The following DIP2C variants were observed in gnomAD, a reference collection of about 807,000 sequenced individuals.
DIP2C encodes the protein disco-interacting protein 2 homolog C.
In DIP2C, 33 loss-of-function variants were observed where a neutral mutation model predicts 192.4. The observed-to-expected ratio is 0.17, with a 90% CI of 0.13 to 0.23. The LOEUF (loss-of-function observed/expected upper bound fraction) is 0.23. Among genes scored for constraint, DIP2C ranks in the 10% least tolerant of loss-of-function variants. The pLI is 1.00. For missense variants in DIP2C, 1,537 were observed against 2,110.1 expected, an observed-to-expected ratio of 0.73 and a Z score of 5.32; for synonymous variants, 979 against 864.1, an observed-to-expected ratio of 1.13 and a Z score of -2.33.
chr10:683,542 C>T (rs139099117), intron 1 of DIP2C, among the ~76,000 whole-genome samples: 173 of 152,308 alleles, frequency 1.1e-3, no homozygotes, highest in African/African-American at 4.1e-3. Context: ...CAGAAACCGA[C>T]CACGTCACCA....
intron 1 of DIP2C, among the ~76,000 whole-genome samples, chr10:572,691 CAAAAA>C (rs77078972): frequency 6.6e-6 from 1 of 151,896 alleles, no homozygotes; most frequent in African/African-American, 2.4e-5. Context: ...CCATAATAGA[CAAAAA>C]AAAGTTTTTT....
intron 3 of DIP2C, among the ~76,000 whole-genome samples, chr10:461,223 G>A (rs1428489676): frequency 2.6e-5 from 4 of 152,164 alleles, no homozygotes; most frequent in African/African-American, 9.7e-5. Flanking sequence ...ATGTAAATGG[G>A]CTAAATGCCC....
chr10:579,261 A>G (rs542704797), intron 1 of DIP2C, among the ~76,000 whole-genome samples: 5 of 152,034 alleles, frequency 3.3e-5, no homozygotes, highest in East Asian at 3.9e-4. Context: ...ACATGTGTAC[A>G]TGCATACAGC....
chr10:339,598 C>T (rs561138534), intron 29 of DIP2C, among the ~76,000 whole-genome samples: 99 of 152,236 alleles, frequency 6.5e-4, no homozygotes, highest in African/African-American at 1.9e-3. Flanking sequence ...AAATGAAATA[C>T]GGTCACCCTA....
Position 419,175 on chromosome 10 carries a change from A to C in DIP2C, c.629T>G (p.Val210Gly). The C allele has an allele frequency of 6.2e-7, 1 of 1,614,234 alleles. No homozygotes were observed. Among genetic ancestry groups the C allele is most frequent in the Non-Finnish European group, 8.5e-7 (1 of 1,180,050 alleles). ...HIENHSAPPD[V>G]TTYTSEHSIQ... ...CGAGTGCTCTGAGGTGTACGTGGTT[A>C]CGTCAGGAGGTGCAGAATGATTTTC... is the stretch of plus-strand genomic sequence containing the variant. Residue 210 changes from valine (V) to glycine (G), a missense_variant, in exon 6 of 37, where the codon GTA becomes GGA. This residue lies in a region of DIP2C where 473 missense variants were observed against 539.6 expected (regional missense o/e 0.88). Transcript: ENST00000280886.
Position 612,334 on chromosome 10 carries a change from G to A in DIP2C, c.85+77160C>T, listed in dbSNP as rs148279282. Among the ~76,000 whole-genome samples the A allele has an allele frequency of 1.8e-4, 27 of 151,960 alleles. No individual in the cohort carries two copies. The East Asian group carries it at 3.9e-3, about 22-fold the overall frequency. On this transcript the variant is annotated intron_variant, in intron 1 of 36. Coordinates refer to ENST00000280886, the MANE Select transcript of DIP2C (RefSeq NM_014974.3). ...CAATACACCCACTTAATTCTTCACC[G>A]ATGTCAAATATATCAGCTAAAAGAA...
At chr10:387,959 C>A in intron 13 of DIP2C, 150 bp from the exon 14 acceptor site, 1 of 894,274 alleles carries the variant, frequency 1.1e-6, no homozygotes, top group Non-Finnish European at 1.8e-6. Context: ...CTGTAGACTC[C>A]AAGTAGGCCG....
chr10:369,966 C>T (rs996559459), intron 17 of DIP2C: 2 of 985,406 alleles, frequency 2.0e-6, no homozygotes, highest in South Asian at 4.7e-5. Context: ...CAGACCAGCT[C>T]TCTCTTTCCT....
chr10:274,775 A>G lies in DIP2C; in HGVS notation c.*2550T>C, dbSNP rs559022989. 2.0e-5 allele frequency: 3 copies of G among 152,344 alleles called. No individual in the cohort carries two copies. The highest frequency in any genetic ancestry group is 3.4e-3 in the Middle Eastern group (1 of 294). The allele number at this position is 152,344 out of a possible 1,614,324, so 9.4% of individuals were successfully genotyped here. The stretch of plus-strand genomic sequence containing the variant: ...CTCCTGTTTGATTAGGTCTGTGTTT[A>G]TATGTTCACTGTGTACCCTCTTTTT... On this transcript the variant is annotated 3_prime_UTR_variant, in exon 37 of 37. Coordinates refer to ENST00000280886, the MANE Select transcript of DIP2C (RefSeq NM_014974.3).
intron 13 of DIP2C, among the ~76,000 whole-genome samples, chr10:388,176 C>T (rs1311359509): frequency 2.6e-5 from 4 of 152,130 alleles, no homozygotes; most frequent in East Asian, 3.8e-4. Flanking sequence ...ATGCCCTCTG[C>T]GCACAGAGGA....
intron 5 of DIP2C, 87 bp from the exon 6 acceptor site, chr10:419,286 AGCACAGGTGCTCACCCTGGGTGT>A (rs1966013787): frequency 6.3e-7 from 1 of 1,582,094 alleles, no homozygotes; most frequent in South Asian, 1.1e-5. Flanking sequence ...AAGAGACTGA[AGCACAGGTGCTCACCCTGGGTGT>A]GCCATGGAAA....
At chr10:281,863 T>C (rs1448218568) in intron 35 of DIP2C, among the ~76,000 whole-genome samples, 2 of 152,212 alleles carry the variant, frequency 1.3e-5, no homozygotes, top group East Asian at 1.9e-4. Flanking sequence ...AGCCAGGAAA[T>C]TTATTTCTAT....
intron 26 of DIP2C, 139 bp downstream of exon 26, chr10:348,502 C>T: frequency 1.5e-6 from 2 of 1,366,582 alleles, no homozygotes; most frequent in Non-Finnish European, 2.0e-6. Context: ...GGTAGAGACC[C>T]TGTCCTGACC....
At chr10:457,218 C>T (rs891074679) in intron 3 of DIP2C, among the ~76,000 whole-genome samples, 1 of 152,258 alleles carries the variant, frequency 6.6e-6, no homozygotes, top group African/African-American at 2.4e-5. Context: ...TATGCATCTC[C>T]TATTTTATTT....
At chr10:596,147 G>C (rs993602611) in intron 1 of DIP2C, among the ~76,000 whole-genome samples, 3 of 152,076 alleles carry the variant, frequency 2.0e-5, no homozygotes, top group Admixed American at 1.3e-4. Context: ...AAGCTGAAAG[G>C]TCACAGATAA....
At chr10:562,331 A>G (rs944373525) in intron 1 of DIP2C, among the ~76,000 whole-genome samples, 1 of 152,246 alleles carries the variant, frequency 6.6e-6, no homozygotes, top group East Asian at 1.9e-4. Flanking sequence ...CTAATGCAAC[A>G]AATGTGTTTG....
intron 1 of DIP2C, among the ~76,000 whole-genome samples, chr10:676,503 T>TAA (rs537175244): frequency 2.2e-5 from 3 of 138,864 alleles, no homozygotes; most frequent in Non-Finnish European, 3.1e-5. Flanking sequence ...TCTTATATAT[T>TAA]AAAAAAAAAA....
At chr10:514,179 CCTG>C (rs1297433526) in intron 1 of DIP2C, among the ~76,000 whole-genome samples, 1 of 152,014 alleles carries the variant, frequency 6.6e-6, no homozygotes, top group East Asian at 1.9e-4. Context: ...ACCACAAACA[CCTG>C]CTAATACTGA....
intron 17 of DIP2C, chr10:369,923 C>A: frequency 1.5e-6 from 2 of 1,311,690 alleles, no homozygotes; most frequent in Non-Finnish European, 2.0e-6. Flanking sequence ...CCTGCACAGA[C>A]CAGCTCTCTC....
Sources: gnomAD v4.1 joint callset for allele counts (sites outside exome capture counted in the v4.1 genomes callset) on GRCh38, gnomAD v4.1.1 for gene constraint, gnomAD v4.1.1 regional missense constraint, MANE v1.5 for transcripts, NCBI Gene and HGNC (gene_info 2026-07-23, HGNC 2026-07-21) for gene names.